TDP1: variants seen among roughly 807,000 people sequenced by gnomAD.
TDP1 encodes the protein tyr-DNA phosphodiesterase 1.
Under a neutral mutation model 81.5 loss-of-function variants are expected in TDP1, and 64 were observed. The ratio of observed to expected loss-of-function variants is 0.79; its 90% confidence interval spans 0.64 to 0.97. The LOEUF (loss-of-function observed/expected upper bound fraction) is 0.97. Ranked by LOEUF, TDP1 falls within the 50% of genes least tolerant of loss-of-function variation. The pLI, the probability that TDP1 is intolerant of heterozygous loss-of-function variation, is 0.00. For missense variants in TDP1, 723 were observed against 743.8 expected, an observed-to-expected ratio of 0.97 and a Z score of 0.33; for synonymous variants, 256 against 264.3, an observed-to-expected ratio of 0.97 and a Z score of 0.30.
intron 2 of TDP1, among the ~76,000 whole-genome samples, chr14:89,960,164 C>T (rs1892157656): frequency 6.6e-6 from 1 of 152,070 alleles, no homozygotes. Context: ...TTTAAAGTCA[C>T]GAAACTGTAG....
At chr14:90,019,260 G>A (rs1885681535) in intron 14 of TDP1, 56 bp from the exon 15 acceptor site, 2 of 1,352,412 alleles carry the variant, frequency 1.5e-6, no homozygotes, top group East Asian at 4.6e-5. Flanking sequence ...GTGGAAGTTT[G>A]ACCCACACTG....
chr14:90,018,963 A>G, intron 14 of TDP1: 1 of 981,364 alleles, frequency 1.0e-6, no homozygotes, highest in Non-Finnish European at 1.2e-6. Context: ...CTTAAATGCT[A>G]GTTTTATGTA....
At chr14:90,030,505 C>T (rs1887155991) in intron 15 of TDP1, among the ~76,000 whole-genome samples, 2 of 152,234 alleles carry the variant, frequency 1.3e-5, no homozygotes. Flanking sequence ...TCTGCCACCT[C>T]CTGCCTTTCA....
At chr14:89,989,190 T>G in intron 11 of TDP1, 100 bp downstream of exon 11, 2 of 1,328,178 alleles carry the variant, frequency 1.5e-6, no homozygotes, top group Non-Finnish European at 2.1e-6. Flanking sequence ...TTTTATTCTG[T>G]GATTCTTTTT....
intron 3 of TDP1, among the ~76,000 whole-genome samples, chr14:89,964,507 C>T (rs1462222875): frequency 2.0e-5 from 3 of 152,120 alleles, no homozygotes; most frequent in Admixed American, 6.5e-5. Context: ...AACATTATTA[C>T]CCTTATTTCA....
At chr14:90,009,815 C>G (rs1428729763) in intron 14 of TDP1, among the ~76,000 whole-genome samples, 2 of 152,046 alleles carry the variant, frequency 1.3e-5, no homozygotes, top group Non-Finnish European at 2.9e-5. Context: ...ATGAACAGAA[C>G]AGAACAGAGT....
chr14:90,021,013 A>G (rs1290106517), intron 15 of TDP1, among the ~76,000 whole-genome samples: 2 of 151,736 alleles, frequency 1.3e-5, no homozygotes, highest in East Asian at 3.9e-4. Flanking sequence ...CCAAGTCTCC[A>G]ACTCCTGGCC....
At chr14:89,973,914 G>A (rs1893957247) in intron 6 of TDP1, among the ~76,000 whole-genome samples, 1 of 152,152 alleles carries the variant, frequency 6.6e-6, no homozygotes, top group Admixed American at 6.5e-5. Flanking sequence ...GTGTCCTCAT[G>A]AGGGAGAGGG....
At chr14:89,981,356 C>A in intron 8 of TDP1, 1 of 400,166 alleles carries the variant, frequency 2.5e-6, no homozygotes, top group South Asian at 1.9e-5. Flanking sequence ...GGTTTTGATC[C>A]CCTTTTCAAG....
chr14:89,973,903 G>A (rs543039668), intron 6 of TDP1, among the ~76,000 whole-genome samples: 2 of 152,014 alleles, frequency 1.3e-5, no homozygotes, highest in East Asian at 1.9e-4. Flanking sequence ...ACGTTCTCAC[G>A]GTGTCCTCAT....
intron 4 of TDP1, among the ~76,000 whole-genome samples, chr14:89,966,734 G>C (rs1387737440): frequency 6.6e-6 from 1 of 152,222 alleles, no homozygotes. Context: ...GTTTGGCATT[G>C]AAAGTCCTGG....
At chr14:89,996,973 A>G (rs1221593078) in intron 14 of TDP1, among the ~76,000 whole-genome samples, 1 of 152,276 alleles carries the variant, frequency 6.6e-6, no homozygotes, top group Admixed American at 6.5e-5. Flanking sequence ...GCAAGAATAG[A>G]GTAATTAAGA....
At position 89,966,803 on chromosome 14, in the gene TDP1, A is replaced by G. The variant is rs531882204; in HGVS notation, c.604-564A>G. Reference sequence around the variant, plus strand: ...GCCCTGTTAGCTCGACTGAGTTACTAAGTCCAGGATTACCCAGGTATGGGG... The same window carrying G: ...GCCCTGTTAGCTCGACTGAGTTACTGAGTCCAGGATTACCCAGGTATGGGG... On this transcript the variant is annotated intron_variant, in intron 4 of 16. Coordinates refer to ENST00000335725, the MANE Select transcript of TDP1 (RefSeq NM_018319.4). Among the ~76,000 whole-genome samples, 12 of 152,338 alleles carry G rather than the reference A, an allele frequency of 7.9e-5. No individual in the cohort carries two copies. In the South Asian group the frequency reaches 1.9e-3, roughly 24 times the overall value.
intron 2 of TDP1, among the ~76,000 whole-genome samples, chr14:89,959,154 C>T (rs1359112119): frequency 6.6e-6 from 1 of 152,186 alleles, no homozygotes; most frequent in Non-Finnish European, 1.5e-5. Flanking sequence ...TGATTGAGTG[C>T]CAGGATTCAG....
At chr14:90,023,731 G>A (rs1313298280) in intron 15 of TDP1, among the ~76,000 whole-genome samples, 1 of 151,200 alleles carries the variant, frequency 6.6e-6, no homozygotes, top group Non-Finnish European at 1.5e-5. Flanking sequence ...TTGCTCTGCC[G>A]CCCAGGCTGG....
intron 2 of TDP1, among the ~76,000 whole-genome samples, chr14:89,960,073 C>G (rs1220194837): frequency 6.6e-6 from 1 of 152,166 alleles, no homozygotes; most frequent in Non-Finnish European, 1.5e-5. Context: ...TGGTTTAGAA[C>G]TGTTGTAGAA....
chr14:90,033,243 G>T, intron 16 of TDP1, 29 bp downstream of exon 16: 1 of 1,278,254 alleles, frequency 7.8e-7, no homozygotes, highest in Non-Finnish European at 1.1e-6. Flanking sequence ...AAAACCACGG[G>T]TGGATATGCA....
chr14:89,971,255 A>G lies in TDP1; in HGVS notation c.740A>G (p.Asn247Ser), dbSNP rs757945211. ...HLHAQAKPYE[N>S]ISLCQAKLDI... The stretch of plus-strand genomic sequence containing the variant: ...CATGCCCAGGCCAAGCCTTACGAGA[A>G]CATCTCTCTCTGCCAGGTAAGCCAC... The change falls in exon 6 of 17, where the codon AAC becomes AGC. Residue 247 changes from asparagine (N) to serine (S), a missense_variant. Coordinates refer to ENST00000335725, the MANE Select transcript of TDP1 (RefSeq NM_018319.4). The G allele has an allele frequency of 6.2e-7, 1 of 1,614,054 alleles. No individual in the cohort carries two copies. The highest frequency in any genetic ancestry group is 8.5e-7 in the Non-Finnish European group (1 of 1,179,904).
chr14:89,989,063 A>G lies in TDP1; in HGVS notation c.1290A>G (p.Pro430=), dbSNP rs369207170. The part of the protein sequence containing the change: ...MLTLGKESKT[P]GKSSVPLYLI... ...CACTGGGGAAGGAAAGCAAGACTCC[A>G]GGAAAAAGCTCTGTTCCTCTTTACT... The change falls in exon 11 of 17, where the codon CCA becomes CCG. Residue 430 remains proline (P), a synonymous_variant. Transcript: ENST00000335725. 2.5e-6 allele frequency: 4 copies of G among 1,614,004 alleles called. No individual in the cohort carries two copies. The African/African-American group carries it at 5.3e-5, about 22-fold the overall frequency.
Sources: gnomAD v4.1 joint callset for allele counts (sites outside exome capture counted in the v4.1 genomes callset) on GRCh38, gnomAD v4.1.1 for gene constraint, MANE v1.5 for transcripts, NCBI Gene and HGNC (gene_info 2026-07-23, HGNC 2026-07-21) for gene names.